CHST11: variants seen among roughly 807,000 people sequenced by gnomAD.
CHST11 encodes carbohydrate sulfotransferase 11, also known as C4S-1.
CHST11 carries 9 observed loss-of-function variants against 30.4 expected under a neutral mutation model. The observed-to-expected ratio is 0.30, with a 90% confidence interval of 0.18 to 0.52. The LOEUF (loss-of-function observed/expected upper bound fraction) is 0.52. Ranked by LOEUF, CHST11 falls within the 20% of genes least tolerant of loss-of-function variation. CHST11 has a pLI of 0.97. For synonymous variants in CHST11, 152 were observed against 187.8 expected (o/e 0.81, Z 1.56); for missense variants, 348 against 460.6 (o/e 0.76, Z 2.24).
intron 2 of CHST11, among the ~76,000 whole-genome samples, chr12:104,756,564 T>TC: frequency 6.6e-6 from 1 of 151,776 alleles, no homozygotes; most frequent in Non-Finnish European, 1.5e-5. Context: ...TGTGTGTGTT[T>TC]AGAGACAGGG....
At chr12:104,580,576 C>T in intron 1 of CHST11, among the ~76,000 whole-genome samples, 1 of 152,148 alleles carries the variant, frequency 6.6e-6, no homozygotes, top group Non-Finnish European at 1.5e-5. Context: ...AACTTTCAAC[C>T]TCTATAACAG....
intron 1 of CHST11, among the ~76,000 whole-genome samples, chr12:104,533,490 A>G (rs1047634887): frequency 6.6e-6 from 1 of 152,216 alleles, no homozygotes; most frequent in Non-Finnish European, 1.5e-5. Context: ...GGTGAAATGT[A>G]TGAAGTAGGG....
chr12:104,758,013 G>A lies in CHST11; in HGVS notation c.*210G>A, dbSNP rs896323268. On this transcript the variant is annotated 3_prime_UTR_variant, in exon 3 of 3. Coordinates refer to ENST00000303694, the MANE Select transcript of CHST11 (RefSeq NM_018413.6). ...GGATGGGTCGTCCTTGTCTGTAGAA[G>A]TGAATACTGCAACACTGTCTCAAAG... 7 of 569,766 alleles carry A rather than the reference G, an allele frequency of 1.2e-5. No homozygotes were observed. Among genetic ancestry groups the A allele is most frequent in the Admixed American group, 6.6e-5 (2 of 30,244 alleles). 35.3% of individuals were successfully genotyped at this position (569,766 alleles called of 1,614,324 possible).
intron 2 of CHST11, among the ~76,000 whole-genome samples, chr12:104,635,728 A>C (rs2039317141): frequency 6.6e-6 from 1 of 152,188 alleles, no homozygotes; most frequent in African/African-American, 2.4e-5. Flanking sequence ...GTCTCATCCA[A>C]AGAAGCAAAT....
intron 1 of CHST11, among the ~76,000 whole-genome samples, chr12:104,529,450 C>T (rs1172993481): frequency 2.6e-5 from 4 of 152,174 alleles, no homozygotes; most frequent in Admixed American, 6.5e-5. Context: ...TAGCCCAGTA[C>T]TTGTTTTATC....
chr12:104,670,477 A>C lies in CHST11; in HGVS notation c.204+68486A>C, dbSNP rs1164945024. Among the ~76,000 whole-genome samples the C allele has an allele frequency of 3.0e-3, 432 of 145,380 alleles. 2 individuals are homozygous for C. The highest frequency in any genetic ancestry group is 0.011 in the African/African-American group (404 of 37,496). ...CAAGTGCATATGTTCAGACCCACAC[A>C]CACACACACTCACACTCATACACAC... On this transcript the variant is annotated intron_variant, in intron 2 of 2. Transcript: ENST00000303694.
chr12:104,576,592 C>G (rs2038685746), intron 1 of CHST11, among the ~76,000 whole-genome samples: 1 of 152,176 alleles, frequency 6.6e-6, no homozygotes, highest in African/African-American at 2.4e-5. Flanking sequence ...GAGCTCTGAA[C>G]TGGAGAGCAA....
chr12:104,642,407 T>G (rs181805156), intron 2 of CHST11, among the ~76,000 whole-genome samples: 71 of 152,326 alleles, frequency 4.7e-4, no homozygotes, highest in African/African-American at 1.7e-3. Context: ...TAATTTGATT[T>G]TTTTAAATTT....
At chr12:104,673,287 A>G (rs1484232159) in intron 2 of CHST11, among the ~76,000 whole-genome samples, 1 of 152,180 alleles carries the variant, frequency 6.6e-6, no homozygotes, top group Non-Finnish European at 1.5e-5. Flanking sequence ...ATGTGGACCT[A>G]TCTTTTGGGG....
chr12:104,583,455 A>G (rs2038768484), intron 1 of CHST11, among the ~76,000 whole-genome samples: 1 of 152,068 alleles, frequency 6.6e-6, no homozygotes, highest in Admixed American at 6.5e-5. Flanking sequence ...ATGCAGCTCC[A>G]ATGGCCTTTT....
At chr12:104,735,406 A>G (rs1467774247) in intron 2 of CHST11, among the ~76,000 whole-genome samples, 1 of 152,226 alleles carries the variant, frequency 6.6e-6, no homozygotes, top group Non-Finnish European at 1.5e-5. Flanking sequence ...TGATAACAGC[A>G]ATAATGGTAA....
At chr12:104,638,398 C>T (rs998371786) in intron 2 of CHST11, among the ~76,000 whole-genome samples, 3 of 152,080 alleles carry the variant, frequency 2.0e-5, no homozygotes, top group Admixed American at 6.6e-5. Flanking sequence ...AGTTACCTGA[C>T]TTAAAGTGTG....
At chr12:104,521,428 G>A (rs996898518) in intron 1 of CHST11, among the ~76,000 whole-genome samples, 3 of 152,154 alleles carry the variant, frequency 2.0e-5, no homozygotes, top group African/African-American at 2.4e-5. Context: ...TCTTGGTTTC[G>A]TATACTGTCA....
rs2039780517 is a variant in CHST11, at chr12:104,680,132, T to C, written c.205-76817T>C. Reference sequence around the variant, plus strand: ...CCAGGGATACAGCAGTGCATAAGGCTGTGTAATCCTTGTTCTCAAGGGGCA... The same window carrying C: ...CCAGGGATACAGCAGTGCATAAGGCCGTGTAATCCTTGTTCTCAAGGGGCA... On this transcript the variant is annotated intron_variant, in intron 2 of 2. Coordinates refer to ENST00000303694, the MANE Select transcript of CHST11 (RefSeq NM_018413.6). 3.3e-5 allele frequency among the ~76,000 whole-genome samples: 5 copies of C among 152,334 alleles called. No individual in the cohort carries two copies. The South Asian group carries it at 1.0e-3, about 32-fold the overall frequency.
At chr12:104,756,912 G>A (rs1293861540) in intron 2 of CHST11, 37 bp from the exon 3 acceptor site, 1 of 1,583,176 alleles carries the variant, frequency 6.3e-7, no homozygotes, top group East Asian at 2.2e-5. Flanking sequence ...TTTCAGGCAA[G>A]TACTGAGTTC....
At chr12:104,512,308 C>A (rs778301762) in intron 1 of CHST11, among the ~76,000 whole-genome samples, 1 of 152,158 alleles carries the variant, frequency 6.6e-6, no homozygotes, top group Non-Finnish European at 1.5e-5. Flanking sequence ...GAGGCAAATG[C>A]ATTCTAGTTA....
At chr12:104,550,414 G>T (rs2038394271) in intron 1 of CHST11, among the ~76,000 whole-genome samples, 1 of 152,188 alleles carries the variant, frequency 6.6e-6, no homozygotes, top group Non-Finnish European at 1.5e-5. Context: ...GAAGGCAGGG[G>T]TTGGCAAACT....
In CHST11 at chr12:104,487,323, A is replaced by G. The variant is rs1016969480; in HGVS notation, c.118+29794A>G. On this transcript the variant is annotated intron_variant, in intron 1 of 2. Transcript: ENST00000303694. ...GTCTTCCAGGCAGGAGTGCAGTGGC[A>G]TGATCATAGCTCACTGCAGCCTTGA... Among the ~76,000 whole-genome samples the G allele has an allele frequency of 9.2e-5, 14 of 152,304 alleles. No individual in the cohort carries two copies. In the East Asian group the frequency reaches 9.6e-4, roughly 10 times the overall value.
intron 1 of CHST11, among the ~76,000 whole-genome samples, chr12:104,576,871 C>A (rs1410386556): frequency 6.6e-6 from 1 of 152,144 alleles, no homozygotes; most frequent in Non-Finnish European, 1.5e-5. Context: ...CTCCAACATT[C>A]ATGTTGCCAT....
Sources: gnomAD v4.1 joint callset for allele counts (sites outside exome capture counted in the v4.1 genomes callset) on GRCh38, gnomAD v4.1.1 for gene constraint, MANE v1.5 for transcripts, NCBI Gene and HGNC (gene_info 2026-07-23, HGNC 2026-07-21) for gene names.